The following MECOM variants were observed in gnomAD, a reference collection of about 807,000 sequenced individuals.
The protein encoded by MECOM is histone-lysine N-methyltransferase MECOM.
In MECOM, 13 loss-of-function variants were observed where a neutral mutation model predicts 116.3. That is an observed-to-expected ratio of 0.11 (90% CI 0.07 to 0.18). The LOEUF is 0.18. Ranked by LOEUF, MECOM falls within the 10% of genes least tolerant of loss-of-function variation. MECOM has a pLI of 1.00. For missense variants in MECOM, 1,299 were observed against 1,509.0 expected, an observed-to-expected ratio of 0.86 and a Z score of 2.31; for synonymous variants, 528 against 535.2, an observed-to-expected ratio of 0.99 and a Z score of 0.19.
At chr3:169,485,861 T>TATATA (rs1338619815) in intron 1 of MECOM, among the ~76,000 whole-genome samples, 1,343 of 119,864 alleles carry the variant, frequency 0.011, 2 homozygotes, top group East Asian at 0.062. Context: ...ATATACCATA[T>TATATA]GTATAGTATA....
At chr3:169,108,934 A>G (rs962189157) in intron 9 of MECOM, among the ~76,000 whole-genome samples, 1 of 152,244 alleles carries the variant, frequency 6.6e-6, no homozygotes, top group African/African-American at 2.4e-5. Context: ...TTGCAGATGT[A>G]CTCAAAGCCA....
At chr3:169,415,386 C>G (rs767518573) in intron 1 of MECOM, among the ~76,000 whole-genome samples, 9 of 152,162 alleles carry the variant, frequency 5.9e-5, no homozygotes, top group African/African-American at 2.2e-4. Flanking sequence ...GAAGGAAGCA[C>G]TAAATATAGA....
chr3:169,520,776 C>CA (rs369900345), intron 1 of MECOM, among the ~76,000 whole-genome samples: 69 of 150,576 alleles, frequency 4.6e-4, no homozygotes, highest in South Asian at 2.1e-3. Context: ...ATCTTAATCT[C>CA]AAAAAAAAAT....
intron 1 of MECOM, among the ~76,000 whole-genome samples, chr3:169,651,258 C>A (rs952833975): frequency 6.6e-6 from 1 of 152,168 alleles, no homozygotes; most frequent in Non-Finnish European, 1.5e-5. Flanking sequence ...TTTTCTGCAT[C>A]TATTGAGATG....
chr3:169,505,647 T>C (rs1002938407), intron 1 of MECOM, among the ~76,000 whole-genome samples: 2 of 152,228 alleles, frequency 1.3e-5, no homozygotes, highest in African/African-American at 4.8e-5. Flanking sequence ...TTGCTAACTA[T>C]AGTCATCAGT....
chr3:169,617,664 C>G (rs1396049915), intron 1 of MECOM, among the ~76,000 whole-genome samples: 1 of 152,192 alleles, frequency 6.6e-6, no homozygotes, highest in African/African-American at 2.4e-5. Flanking sequence ...TGGTTTTTCT[C>G]TTCTTTGAGC....
intron 1 of MECOM, among the ~76,000 whole-genome samples, chr3:169,427,551 G>A (rs919513682): frequency 6.6e-6 from 1 of 152,172 alleles, no homozygotes; most frequent in African/African-American, 2.4e-5. Context: ...ATGAACTTGT[G>A]TTGACCAAAG....
chr3:169,637,751 A>G (rs1772992615), intron 1 of MECOM, among the ~76,000 whole-genome samples: 3 of 152,248 alleles, frequency 2.0e-5, no homozygotes, highest in African/African-American at 7.2e-5. Flanking sequence ...TAGCATCAAA[A>G]TTGGATTGAA....
intron 2 of MECOM, among the ~76,000 whole-genome samples, chr3:169,310,935 A>G (rs1314875691): frequency 6.6e-6 from 1 of 152,242 alleles, no homozygotes; most frequent in Non-Finnish European, 1.5e-5. Flanking sequence ...AGTAGACACA[A>G]CAAAATTACC....
chr3:169,627,947 C>T (rs983775095), intron 1 of MECOM, among the ~76,000 whole-genome samples: 6 of 152,168 alleles, frequency 3.9e-5, no homozygotes, highest in East Asian at 1.9e-4. Context: ...GGTGACGTGG[C>T]GGGCCTCAAG....
intron 1 of MECOM, among the ~76,000 whole-genome samples, chr3:169,535,816 A>C (rs930606612): frequency 4.6e-5 from 7 of 152,236 alleles, no homozygotes; most frequent in Middle Eastern, 3.2e-3. Flanking sequence ...GAGAATAAGC[A>C]GACTGTCAAC....
intron 3 of MECOM, among the ~76,000 whole-genome samples, chr3:169,141,702 T>C (rs556492324): frequency 2.0e-5 from 3 of 152,162 alleles, no homozygotes; most frequent in Admixed American, 2.0e-4. Flanking sequence ...GTCTTGTCAA[T>C]TGGGCTAAGA....
chr3:169,642,402 G>A (rs192392780), intron 1 of MECOM, among the ~76,000 whole-genome samples: 28 of 149,456 alleles, frequency 1.9e-4, no homozygotes, highest in African/African-American at 2.2e-4. Flanking sequence ...AGCCGAGATC[G>A]CGCCACTGCC....
At chr3:169,584,318 C>T (rs1019086919) in intron 1 of MECOM, among the ~76,000 whole-genome samples, 2 of 152,038 alleles carry the variant, frequency 1.3e-5, no homozygotes. Flanking sequence ...GTAATCCCAG[C>T]ACTTTGGGAG....
At chr3:169,175,199 T>C (rs939381283) in intron 2 of MECOM, among the ~76,000 whole-genome samples, 4 of 152,170 alleles carry the variant, frequency 2.6e-5, no homozygotes, top group African/African-American at 4.8e-5. Flanking sequence ...TGGCTTTGCA[T>C]CTATTATTGC....
rs909425358 is a variant in MECOM at position 169,537,600 on chromosome 3, C to T, written c.37+125736G>A. ...TTGACAGGCTAAAGTTAGTGTATTC[C>T]AGGTCTGGACAATTTTAACGGTCAT... On this transcript the variant is annotated intron_variant, in intron 1 of 16. Coordinates refer to ENST00000651503, the MANE Select transcript of MECOM (RefSeq NM_004991.4). Among the ~76,000 whole-genome samples the T allele has an allele frequency of 2.0e-5, 3 of 151,916 alleles. No individual in the cohort carries two copies. The East Asian group carries it at 5.8e-4, about 29-fold the overall frequency.
chr3:169,623,191 T>C (rs940298528), intron 1 of MECOM, among the ~76,000 whole-genome samples: 3 of 152,202 alleles, frequency 2.0e-5, no homozygotes, highest in Non-Finnish European at 4.4e-5. Context: ...CATTCTACAT[T>C]GAACCTACGT....
At chr3:169,546,370 T>C (rs1760722739) in intron 1 of MECOM, among the ~76,000 whole-genome samples, 1 of 152,232 alleles carries the variant, frequency 6.6e-6, no homozygotes, top group Non-Finnish European at 1.5e-5. Context: ...TCTATAAATA[T>C]TCAAGTATGT....
At chr3:169,370,032 T>G (rs1729833189) in intron 2 of MECOM, among the ~76,000 whole-genome samples, 1 of 151,950 alleles carries the variant, frequency 6.6e-6, no homozygotes, top group Non-Finnish European at 1.5e-5. Flanking sequence ...GCACTTGCTT[T>G]CTCATAAATA....
Sources: gnomAD v4.1 joint callset for allele counts (sites outside exome capture counted in the v4.1 genomes callset) on GRCh38, gnomAD v4.1.1 for gene constraint, MANE v1.5 for transcripts, NCBI Gene and HGNC (gene_info 2026-07-23, HGNC 2026-07-21) for gene names.